ING5: variants seen among roughly 807,000 people sequenced by gnomAD.
The protein encoded by ING5 is inhibitor of growth protein 5.
A neutral mutation model predicts 37.4 loss-of-function variants in ING5; 17 were observed. The observed-to-expected ratio is 0.45, with a 90% CI of 0.31 to 0.68. The LOEUF (loss-of-function observed/expected upper bound fraction) is 0.68, where lower values mean the gene tolerates loss of function less well. Among genes scored for constraint, ING5 ranks in the 30% least tolerant of loss-of-function variants. The probability of loss-of-function intolerance (pLI) is 0.05; values close to 1 mark genes in which losing one functional copy is unlikely to be tolerated. For synonymous variants in ING5, 123 were observed against 116.6 expected, an observed-to-expected ratio of 1.06 and a Z score of -0.36; for missense variants, 233 against 311.9, an observed-to-expected ratio of 0.75 and a Z score of 1.91.
At chr2:241,703,132 G>A (rs1459674581) in intron 1 of ING5, among the ~76,000 whole-genome samples, 5 of 152,184 alleles carry the variant, frequency 3.3e-5, no homozygotes, top group Admixed American at 3.3e-4. Flanking sequence ...ACGCTGGAGG[G>A]GAGGCCTTCT....
intron 7 of ING5, 31 bp from the exon 8 acceptor site, chr2:241,724,958 C>A (rs1216889141): frequency 1.2e-6 from 2 of 1,613,018 alleles, no homozygotes; most frequent in Admixed American, 1.7e-5. Context: ...GAAATGGCGC[C>A]CAGGGCCTCA....
intron 2 of ING5, among the ~76,000 whole-genome samples, chr2:241,707,440 G>A (rs1312177533): frequency 2.0e-5 from 3 of 151,884 alleles, no homozygotes; most frequent in African/African-American, 7.3e-5. Context: ...ACAGGCATGC[G>A]CCACCACACC....
At chr2:241,699,692 C>T (rs945126692), upstream of ING5, among the ~76,000 whole-genome samples, 9 of 140,600 alleles carry the variant, frequency 6.4e-5, no homozygotes, top group Non-Finnish European at 1.2e-4. Flanking sequence ...GGGGGTGGGG[C>T]GGGGGGTTCT....
chr2:241,720,628 A>C, intron 5 of ING5: 1 of 985,814 alleles, frequency 1.0e-6, no homozygotes, highest in Non-Finnish European at 1.2e-6. Flanking sequence ...GCTAGGAGCC[A>C]CGTGGAGTGC....
chr2:241,720,669 G>T, intron 5 of ING5: 1 of 985,610 alleles, frequency 1.0e-6, no homozygotes, highest in Non-Finnish European at 1.2e-6. Flanking sequence ...GCGCGGAAGG[G>T]CTCGCTGGCA....
intron 5 of ING5, among the ~76,000 whole-genome samples, chr2:241,718,014 T>C (rs2070320593): frequency 6.6e-6 from 1 of 152,210 alleles, no homozygotes; most frequent in Non-Finnish European, 1.5e-5. Context: ...TTTGTTTCTA[T>C]TACTTTATTT....
intron 5 of ING5, chr2:241,719,346 A>G: frequency 1.6e-6 from 1 of 642,002 alleles, no homozygotes; most frequent in East Asian, 2.7e-5. Context: ...TGCATGAGGC[A>G]GGCGGACGCC....
At chr2:241,687,443 A>G (rs1028412366) in exon 1 of ING5, 1 of 398,582 alleles carries the variant, frequency 2.5e-6, no homozygotes, top group Non-Finnish European at 4.4e-6. Flanking sequence ...TGGCAATTGT[A>G]GGAGAACCAT....
rs1250887427 is a variant in ING5 at position 241,725,259 on chromosome 2, T to TC, written c.*234dup. 7.2e-6 allele frequency: 4 copies of TC among 552,440 alleles called. No individual in the cohort carries two copies. Among genetic ancestry groups the TC allele is most frequent in the East Asian group, 3.1e-5 (1 of 32,062 alleles). 34.2% of individuals were successfully genotyped at this position (552,440 alleles called of 1,614,324 possible). ...GACCTCAGTGTGGCTTTTACAGGAC[T>TC]CCCCCCGAGCATCAGCAGGGACCCC... On this transcript the variant is annotated 3_prime_UTR_variant, in exon 8 of 8. Transcript: ENST00000313552.
At chr2:241,696,997 G>A (rs891656429) in intron 2 of ING5, among the ~76,000 whole-genome samples, 2 of 152,104 alleles carry the variant, frequency 1.3e-5, no homozygotes, top group Admixed American at 6.6e-5. Flanking sequence ...CAGGAGAATC[G>A]CTTTAACCCA....
intron 2 of ING5, among the ~76,000 whole-genome samples, chr2:241,695,515 A>T (rs1447062293): frequency 2.3e-4 from 35 of 152,162 alleles, no homozygotes; most frequent in Admixed American, 2.3e-3. Context: ...GTGAAAGCCC[A>T]TCTCTACTAA....
intron 5 of ING5, among the ~76,000 whole-genome samples, chr2:241,714,686 C>T (rs1381089676): frequency 6.6e-6 from 1 of 152,002 alleles, no homozygotes; most frequent in Non-Finnish European, 1.5e-5. Flanking sequence ...CAGCCTCCAC[C>T]TCCCTGTCCC....
At chr2:241,695,991 C>T (rs946927208) in intron 2 of ING5, among the ~76,000 whole-genome samples, 4 of 151,844 alleles carry the variant, frequency 2.6e-5, no homozygotes, top group Admixed American at 6.6e-5. Flanking sequence ...CCAGCATTTG[C>T]GGAGGCCAAG....
intron 5 of ING5, among the ~76,000 whole-genome samples, chr2:241,715,131 T>G (rs537037706): frequency 1.3e-5 from 2 of 152,326 alleles, no homozygotes; most frequent in African/African-American, 4.8e-5. Flanking sequence ...TATATTATGA[T>G]TTTGATATAA....
chr2:241,710,261 G>A (rs6721714), intron 3 of ING5, among the ~76,000 whole-genome samples: 1,557 of 150,532 alleles, frequency 0.01, 30 homozygotes, highest in African/African-American at 0.036. Context: ...CACCCACCAC[G>A]AAGCCTGGCT....
chr2:241,725,053 C>T lies in ING5; in HGVS notation c.*22C>T, dbSNP rs760410698. On this transcript the variant is annotated 3_prime_UTR_variant, in exon 8 of 8. Coordinates refer to ENST00000313552, the MANE Select transcript of ING5 (RefSeq NM_032329.6). The stretch of plus-strand genomic sequence containing the variant: ...GTAGGAGGAGCTGTGTGCCCGGATC[C>T]GAGGAGCAAGTTAATCTGTCCCTTC... 6.8e-6 allele frequency: 11 copies of T among 1,612,664 alleles called. No individual in the cohort carries two copies. The highest frequency in any genetic ancestry group is 1.3e-5 in the African/African-American group (1 of 74,902).
intron 5 of ING5, among the ~76,000 whole-genome samples, chr2:241,714,328 T>A (rs2070202127): frequency 6.6e-6 from 1 of 152,222 alleles, no homozygotes; most frequent in Non-Finnish European, 1.5e-5. Flanking sequence ...ATAATTTACA[T>A]ACAATAAAAT....
intron 5 of ING5, 86 bp downstream of exon 5, chr2:241,712,157 C>A: frequency 9.3e-7 from 1 of 1,079,022 alleles, no homozygotes; most frequent in Non-Finnish European, 1.3e-6. Context: ...GAAGCTGACC[C>A]GAGTGAAGTG....
Position 241,711,469 on chromosome 2 carries a change from C to T in ING5, c.369C>T (p.Ser123=), listed in dbSNP as rs142180451. ...TGGAGGGCAGTGATTTTGAAAGCTCCGGAGGGCGAGGGTTAAAAAGCAAGT... is the reference window on the plus strand; with the variant it reads ...TGGAGGGCAGTGATTTTGAAAGCTCTGGAGGGCGAGGGTTAAAAAGCAAGT... ...DKMEGSDFES[S]GGRGLKKGRG... The change falls in exon 4 of 8, where the codon TCC becomes TCT. Residue 123 remains serine (S), a synonymous_variant. Coordinates refer to ENST00000313552, the MANE Select transcript of ING5 (RefSeq NM_032329.6). 8.8e-4 allele frequency: 1,409 copies of T among 1,603,786 alleles called. 5 individuals carry two copies. Among genetic ancestry groups the T allele is most frequent in the Middle Eastern group, 1.3e-3 (8 of 6,030 alleles).
Sources: allele counts gnomAD v4.1 joint callset (sites outside exome capture counted in the v4.1 genomes callset), GRCh38; gene constraint gnomAD v4.1.1; transcripts MANE v1.5; gene names NCBI Gene and HGNC (gene_info 2026-07-23, HGNC 2026-07-21).